COX15: variants seen among roughly 807,000 people sequenced by gnomAD.
The protein encoded by COX15 is heme A synthase COX15.
COX15 carries 51 observed loss-of-function variants against 51.9 expected under a neutral mutation model. The ratio of observed to expected loss-of-function variants is 0.98; its 90% CI spans 0.78 to 1.24. The LOEUF (loss-of-function observed/expected upper bound fraction) is 1.24, where lower values mean the gene tolerates loss of function less well. Among genes scored for constraint, COX15 ranks in the 50% most tolerant of loss-of-function variants. COX15 has a pLI of 0.00. For synonymous variants in COX15, 188 were observed against 190.5 expected, an observed-to-expected ratio of 0.99 and a Z score of 0.11; for missense variants, 420 against 501.1, an observed-to-expected ratio of 0.84 and a Z score of 1.55.
the COX15 span, among the ~76,000 whole-genome samples, chr10:99,696,329 T>G: frequency 6.6e-6 from 1 of 152,200 alleles, no homozygotes; most frequent in African/African-American, 2.4e-5. Context: ...TTATTAGGAC[T>G]CATAAAGTAC....
At chr10:99,709,779 A>G (rs1035102231), downstream of COX15, 1 of 985,128 alleles carries the variant, frequency 1.0e-6, no homozygotes, top group African/African-American at 1.7e-5. Flanking sequence ...CTCTTGTGTT[A>G]TTACACATTT....
chr10:99,716,695 A>G (rs773284982), intron 7 of COX15: 3 of 457,200 alleles, frequency 6.6e-6, no homozygotes, highest in Admixed American at 6.7e-5. Context: ...AAGATTCTGT[A>G]TGTACTTTAT....
chr10:99,704,747 T>C, the COX15 span: 7 of 1,418,596 alleles, frequency 4.9e-6, no homozygotes, highest in Non-Finnish European at 6.8e-6. Context: ...TTCCTCCACT[T>C]TCTTATATAG....
chr10:99,711,441 C>A lies in COX15; in HGVS notation c.*3146G>T. 1.0e-6 allele frequency: 1 copy of A among 985,312 alleles called. No individual in the cohort carries two copies. Among genetic ancestry groups the A allele is most frequent in the Non-Finnish European group, 1.2e-6 (1 of 829,896 alleles). The allele number at this position is 985,312 out of a possible 1,614,324, so 61.0% of individuals were successfully genotyped here. On this transcript the variant is annotated 3_prime_UTR_variant, in exon 9 of 9. Transcript: ENST00000016171. Reference sequence around the variant, plus strand: ...TTTGAAGGATTCTATCCAGAAGAGACCATATCCTACTAACATACTAATAGG... The same window carrying A: ...TTTGAAGGATTCTATCCAGAAGAGAACATATCCTACTAACATACTAATAGG...
chr10:99,698,653 G>A, the COX15 span: 3 of 1,614,170 alleles, frequency 1.9e-6, no homozygotes, highest in Non-Finnish European at 2.5e-6. Context: ...CGAGGAAGAG[G>A]AGACTGGGTG....
downstream of COX15, chr10:99,706,099 A>T (rs1268413062): frequency 6.6e-6 from 1 of 152,208 alleles, no homozygotes; most frequent in Non-Finnish European, 1.5e-5. Flanking sequence ...TAATAGGGGA[A>T]AAAGTCCCTG....
intron 4 of COX15, among the ~76,000 whole-genome samples, chr10:99,724,804 A>C (rs1314338525): frequency 6.6e-6 from 1 of 152,230 alleles, no homozygotes; most frequent in Non-Finnish European, 1.5e-5. Context: ...AACTTAATAA[A>C]GGTAAATGCT....
At chr10:99,698,113 G>T in the COX15 span, among the ~76,000 whole-genome samples, 2 of 152,102 alleles carry the variant, frequency 1.3e-5, no homozygotes, top group African/African-American at 4.8e-5. Context: ...GGCCACTGCC[G>T]TGGTCTGCTC....
chr10:99,727,070 G>A lies in COX15; in HGVS notation c.480C>T (p.Gly160=), dbSNP rs1406526618. The change falls in exon 4 of 9, where the codon GGC becomes GGT. Residue 160 remains glycine, a synonymous_variant. Transcript: ENST00000016171. ...YSHRMWGRLV[G]LVYILPAAYF... ...AGGCAGCAGGCAGGATGTACACAAG[G>A]CCTACAAGGCGACCCCACATTCGGT... 6.2e-7 allele frequency: 1 copy of A among 1,614,140 alleles called. No homozygotes were observed. Among genetic ancestry groups the A allele is most frequent in the Non-Finnish European group, 8.5e-7 (1 of 1,180,028 alleles).
Position 99,712,545 on chromosome 10 carries a change from C to T in COX15, c.*2042G>A, listed in dbSNP as rs533958414. On this transcript the variant is annotated 3_prime_UTR_variant, in exon 9 of 9. Coordinates refer to ENST00000016171, the MANE Select transcript of COX15 (RefSeq NM_078470.6). ...AGGTCAAGGATGAAATCCAGATGTT[C>T]TTCCTTTGTATTTGTATTGTCACTG... 2.0e-6 allele frequency: 2 copies of T among 985,132 alleles called. No homozygotes were observed. Among genetic ancestry groups the T allele is most frequent in the Non-Finnish European group, 2.4e-6 (2 of 829,642 alleles). 61.0% of individuals were successfully genotyped at this position (985,132 alleles called of 1,614,324 possible). A position where few individuals can be genotyped will look rare whatever the true frequency, so the allele number is the denominator to read the frequency against.
At chr10:99,728,900 C>T (rs546975242) in intron 2 of COX15, among the ~76,000 whole-genome samples, 41 of 152,210 alleles carry the variant, frequency 2.7e-4, no homozygotes, top group African/African-American at 9.4e-4. Flanking sequence ...AAACATGAAC[C>T]AATTGTGATG....
intron 7 of COX15, 163 bp from the exon 8 acceptor site, chr10:99,716,624 G>C: frequency 1.6e-6 from 1 of 606,864 alleles, no homozygotes; most frequent in Non-Finnish European, 3.0e-6. Flanking sequence ...TCCACAGGCT[G>C]TCTCTTCCAC....
At position 99,718,374 on chromosome 10, in the gene COX15, G is replaced by A. The variant is rs868750750; in HGVS notation, c.959C>T (p.Thr320Ile). ...AATCCGGTGATCAAACTGCACCATG[G>A]TGGGATTCTCAAAAACATTCCTCAG... is the stretch of plus-strand genomic sequence containing the variant. ...PILRNVFENPTMVQFDHRILG... is the reference protein window; with the variant it reads ...PILRNVFENPIMVQFDHRILG... The change falls in exon 7 of 9, where the codon ACC (threonine) becomes ATC (isoleucine). Residue 320 changes from threonine to isoleucine, a missense_variant. Coordinates refer to ENST00000016171, the MANE Select transcript of COX15 (RefSeq NM_078470.6). The A allele has an allele frequency of 4.3e-6, 7 of 1,613,960 alleles. No individual in the cohort carries two copies. The African/African-American group carries it at 9.3e-5, about 22-fold the overall frequency.
Position 99,727,037 on chromosome 10 carries a change from C to A in COX15, c.513G>T (p.Trp171Cys), listed in dbSNP as rs757148138. 42 of 1,614,048 alleles carry A rather than the reference C, an allele frequency of 2.6e-5. No individual in the cohort carries two copies. Among genetic ancestry groups the A allele is most frequent in the Non-Finnish European group, 3.6e-5 (42 of 1,180,018 alleles). ...TGCCACGGCTGAGCCAGCCCTTTCT[C>A]CAAAAGTAGGCAGCAGGCAGGATGT... is the stretch of plus-strand genomic sequence containing the variant. ...LVYILPAAYF[W>C]RKGWLSRGMK... is the part of the protein sequence containing the mutation. The change falls in exon 4 of 9, where the codon TGG becomes TGT. Residue 171 changes from tryptophan to cysteine, a missense_variant. Trp to Cys is a radical substitution (Grantham distance 215). Coordinates refer to ENST00000016171, the MANE Select transcript of COX15 (RefSeq NM_078470.6).
chr10:99,720,216 G>A (rs1012096365), intron 6 of COX15, among the ~76,000 whole-genome samples: 5 of 152,106 alleles, frequency 3.3e-5, no homozygotes, highest in African/African-American at 7.2e-5. Context: ...AGGCTAAGGC[G>A]GGTGGATCAC....
the COX15 span, chr10:99,704,781 C>A: frequency 8.9e-7 from 1 of 1,120,064 alleles, no homozygotes; most frequent in Non-Finnish European, 1.3e-6. Flanking sequence ...GATGTCTGAC[C>A]TTGTGGATAT....
intron 2 of COX15, among the ~76,000 whole-genome samples, chr10:99,728,467 C>T (rs1163415567): frequency 1.3e-5 from 2 of 152,158 alleles, no homozygotes; most frequent in Non-Finnish European, 2.9e-5. Flanking sequence ...AAGTATGTAT[C>T]CTGCCTTTCC....
intron 2 of COX15, among the ~76,000 whole-genome samples, chr10:99,729,249 G>A (rs765144089): frequency 3.9e-4 from 59 of 152,238 alleles, no homozygotes; most frequent in Non-Finnish European, 6.8e-4. Context: ...ATCACCTGAG[G>A]TGAGGAGTTT....
intron 5 of COX15, among the ~76,000 whole-genome samples, chr10:99,721,680 A>G (rs971124104): frequency 6.6e-6 from 1 of 152,198 alleles, no homozygotes; most frequent in Non-Finnish European, 1.5e-5. Flanking sequence ...AAAGTTAGGT[A>G]TCATTACTAA....
Sources: allele counts gnomAD v4.1 joint callset (sites outside exome capture counted in the v4.1 genomes callset), GRCh38; gene constraint gnomAD v4.1.1; transcripts MANE v1.5; gene names NCBI Gene and HGNC (gene_info 2026-07-23, HGNC 2026-07-21).